Variants in OR5B12 observed in about 807,000 individuals in gnomAD.
The protein encoded by OR5B12 is olfactory receptor 5B12.
For synonymous variants in OR5B12, 154 were observed against 138.0 expected (o/e 1.12, Z -0.81); for missense variants, 418 against 377.0 (o/e 1.11, Z -0.90).
rs778451536 is a variant in OR5B12 at position 58,439,396 on chromosome 11, T to C, written c.756A>G (p.Thr252=). The change falls in exon 2 of 2, where the codon ACA becomes ACG. Residue 252 remains threonine, a synonymous_variant. Transcript: ENST00000641921. The part of the protein sequence containing the change: ...HLTAVSIFYG[T]GIFMYLRPNS... The stretch of plus-strand genomic sequence containing the variant: ...TAGGTCGTAAGTACATAAAGATTCC[T>C]GTCCCATAAAAGATGGAAACTGCAG... The C allele has an allele frequency of 6.2e-7, 1 of 1,614,062 alleles. No homozygotes were observed. Among genetic ancestry groups the C allele is most frequent in the East Asian group, 2.2e-5 (1 of 44,868 alleles).
chr11:58,441,192 C>T (rs1590717885), intron 1 of OR5B12, among the ~76,000 whole-genome samples: 1 of 152,108 alleles, frequency 6.6e-6, no homozygotes, highest in East Asian at 1.9e-4. Flanking sequence ...CTCCTCATTC[C>T]AATAGTTAGT....
chr11:58,439,488 T>C lies in OR5B12; in HGVS notation c.664A>G (p.Thr222Ala), dbSNP rs1227605797. ...ILISYLFIFITIMKMRSPEGR... is the reference protein window; with the variant it reads ...ILISYLFIFIAIMKMRSPEGR... ...TCAGGTGAGCGCATCTTCATGATGGTGATAAATATAAATAAGTAGGAGATC... is the reference window on the plus strand; with the variant it reads ...TCAGGTGAGCGCATCTTCATGATGGCGATAAATATAAATAAGTAGGAGATC... Residue 222 changes from threonine (T) to alanine (A), a missense_variant, in exon 2 of 2, where the codon ACC (threonine) becomes GCC (alanine). By Grantham distance (58) the Thr-to-Ala change is moderately conservative (BLOSUM62 0). Transcript: ENST00000641921. The C allele has an allele frequency of 6.2e-7, 1 of 1,613,870 alleles. No homozygotes were observed. The highest frequency in any genetic ancestry group is 8.5e-7 in the Non-Finnish European group (1 of 1,179,992).
intron 1 of OR5B12, among the ~76,000 whole-genome samples, chr11:58,441,064 T>A (rs895961988): frequency 5.3e-5 from 8 of 151,950 alleles, no homozygotes; most frequent in African/African-American, 9.7e-5. Context: ...CAGAACTGTG[T>A]GATAGATGTT....
chr11:58,441,051 G>T (rs962575363), intron 1 of OR5B12, among the ~76,000 whole-genome samples: 2 of 152,102 alleles, frequency 1.3e-5, no homozygotes, highest in Admixed American at 6.5e-5. Flanking sequence ...TTTCTTATTT[G>T]CTCAGAACTG....
chr11:58,439,842 C>T lies in OR5B12; in HGVS notation c.310G>A (p.Ala104Thr). The T allele has an allele frequency of 1.9e-6, 3 of 1,614,082 alleles. No homozygotes were observed. The highest frequency in any genetic ancestry group is 2.5e-6 in the Non-Finnish European group (3 of 1,180,026). The change falls in exon 2 of 2, where the codon GCC becomes ACC. Residue 104 changes from alanine (A) to threonine (T), a missense_variant. Transcript: ENST00000641921. ...AGGAAACTTTCTGCAGTGATAAAGG[C>T]TACAAAGAAGAAGAATTGTGTGGCA... ...ACATQFFFFVAFITAESFLLA... is the reference protein window; with the variant it reads ...ACATQFFFFVTFITAESFLLA...
rs1855475163 is a variant in OR5B12 at position 58,439,620 on chromosome 11, C to T, written c.532G>A (p.Asp178Asn). 6.2e-7 allele frequency: 1 copy of T among 1,614,046 alleles called. No homozygotes were observed. The highest frequency in any genetic ancestry group is 8.5e-7 in the Non-Finnish European group (1 of 1,180,000). Residue 178 changes from aspartate to asparagine, a missense_variant, in exon 2 of 2, where the codon GAT becomes AAT. Coordinates refer to ENST00000641921, the MANE Select transcript of OR5B12 (RefSeq NM_001004733.3). Reference protein sequence around the residue: ...RSNVVEHFFCDAPPLLTLSCS... With the variant: ...RSNVVEHFFCNAPPLLTLSCS... ...GAGAGAGTCAAGAGAGGAGGAGCAT[C>T]ACAGAAAAAGTGTTCAACTACATTG...
At chr11:58,440,240 A>AT (rs1444018476) in intron 1 of OR5B12, 70 bp from the exon 2 acceptor site, 10 of 985,016 alleles carry the variant, frequency 1.0e-5, no homozygotes, top group East Asian at 4.9e-5. Context: ...TCAGCATGCC[A>AT]TTTTTTTGCT....
chr11:58,439,407 A>G lies in OR5B12; in HGVS notation c.745T>C (p.Phe249Leu), dbSNP rs201511501. The G allele has an allele frequency of 1.1e-4, 179 of 1,614,010 alleles. 1 individual carries two copies. The highest frequency in any genetic ancestry group is 8.2e-4 in the Middle Eastern group (5 of 6,084). ...CASHLTAVSI[F>L]YGTGIFMYLR... ...TACATAAAGATTCCTGTCCCATAAA[A>G]GATGGAAACTGCAGTAAGGTGGGAA... is the stretch of plus-strand genomic sequence containing the variant. Residue 249 changes from phenylalanine (F) to leucine (L), a missense_variant, in exon 2 of 2, where the codon TTT becomes CTT. Phe to Leu is a conservative substitution (Grantham distance 22). Transcript: ENST00000641921.
chr11:58,441,502 C>G (rs759989825), intron 1 of OR5B12, among the ~76,000 whole-genome samples: 4 of 152,060 alleles, frequency 2.6e-5, no homozygotes, highest in African/African-American at 9.7e-5. Context: ...GGACTCGAGG[C>G]CTTCTTGTGC....
chr11:58,439,609 A>G lies in OR5B12; in HGVS notation c.543T>C (p.Pro181=). The change falls in exon 2 of 2, where the codon CCT becomes CCC. Residue 181 remains proline (P), a synonymous_variant. Coordinates refer to ENST00000641921, the MANE Select transcript of OR5B12 (RefSeq NM_001004733.3). ...TGTCTGAACATGAGAGAGTCAAGAGAGGAGGAGCATCACAGAAAAAGTGTT... is the reference window on the plus strand; with the variant it reads ...TGTCTGAACATGAGAGAGTCAAGAGGGGAGGAGCATCACAGAAAAAGTGTT... ...VVEHFFCDAP[P]LLTLSCSDNY... is the part of the protein sequence containing the mutation. The G allele has an allele frequency of 6.2e-7, 1 of 1,614,134 alleles. No individual in the cohort carries two copies. Among genetic ancestry groups the G allele is most frequent in the Non-Finnish European group, 8.5e-7 (1 of 1,180,034 alleles).
At position 58,440,025 on chromosome 11, in the gene OR5B12, TC is replaced by T. The variant is rs1565161042; in HGVS notation, c.126del (p.Met43Ter). 2 of 1,614,038 alleles carry T rather than the reference TC, an allele frequency of 1.2e-6. No homozygotes were observed. Among genetic ancestry groups the T allele is most frequent in the Non-Finnish European group, 1.7e-6 (2 of 1,179,986 alleles). On this transcript the variant is annotated frameshift_variant, in exon 2 of 2. Coordinates refer to ENST00000641921, the MANE Select transcript of OR5B12 (RefSeq NM_001004733.3). LOFTEE classifies it low-confidence loss of function (END_TRUNC). ...IYLITLVGNL[G>X]MIELILLDSC... ...GAGTCCAGTAGAATCAATTCAATCATCCCCAGGTTCCCAACCAGAGTGATGA... is the reference window on the plus strand; with the variant it reads ...GAGTCCAGTAGAATCAATTCAATCATCCCAGGTTCCCAACCAGAGTGATGA...
intron 1 of OR5B12, among the ~76,000 whole-genome samples, 193 bp downstream of exon 1, chr11:58,441,853 C>T (rs1855504820): frequency 6.6e-6 from 1 of 152,078 alleles, no homozygotes; most frequent in Non-Finnish European, 1.5e-5. Flanking sequence ...CACTTCTGTT[C>T]CCAAATATTT....
chr11:58,439,722 T>C lies in OR5B12; in HGVS notation c.430A>G (p.Ile144Val), dbSNP rs747042271. The C allele has an allele frequency of 3.4e-5, 55 of 1,614,036 alleles. No individual in the cohort carries two copies. The highest frequency in any genetic ancestry group is 4.4e-5 in the Non-Finnish European group (52 of 1,180,032). Reference sequence around the variant, plus strand: ...AGGAAACCACAGATGTAGGAGCCTATGGCCAGGCAAGCACATACATTTGTT... The same window carrying C: ...AGGAAACCACAGATGTAGGAGCCTACGGCCAGGCAAGCACATACATTTGTT... ...MTTNVCACLAIGSYICGFLNA... is the reference protein window; with the variant it reads ...MTTNVCACLAVGSYICGFLNA... The change falls in exon 2 of 2, where the codon ATA becomes GTA. Residue 144 changes from isoleucine to valine, a missense_variant. By Grantham distance (29) the Ile-to-Val change is conservative. Coordinates refer to ENST00000641921, the MANE Select transcript of OR5B12 (RefSeq NM_001004733.3).
rs1402935599 is a variant in OR5B12 at position 58,439,720 on chromosome 11, T to C, written c.432A>G (p.Ile144Met). ...MTTNVCACLA[I>M]GSYICGFLNA... ...TCAGGAAACCACAGATGTAGGAGCC[T>C]ATGGCCAGGCAAGCACATACATTTG... The change falls in exon 2 of 2, where the codon ATA becomes ATG. Residue 144 changes from isoleucine to methionine, a missense_variant. Coordinates refer to ENST00000641921, the MANE Select transcript of OR5B12 (RefSeq NM_001004733.3). 3.1e-6 allele frequency: 5 copies of C among 1,613,962 alleles called. No homozygotes were observed. In the Admixed American group the frequency reaches 8.3e-5, roughly 27 times the overall value.
chr11:58,440,217 C>T, intron 1 of OR5B12, 47 bp from the exon 2 acceptor site: 1 of 1,142,818 alleles, frequency 8.8e-7, no homozygotes, highest in Non-Finnish European at 1.3e-6. Flanking sequence ...GGAGGGAGGA[C>T]TACTGAGATC....
chr11:58,439,448 G>T lies in OR5B12; in HGVS notation c.704C>A (p.Ala235Asp). 1.2e-6 allele frequency: 2 copies of T among 1,614,006 alleles called. No homozygotes were observed. The highest frequency in any genetic ancestry group is 1.7e-6 in the Non-Finnish European group (2 of 1,179,954). Residue 235 changes from alanine (A) to aspartate (D), a missense_variant, in exon 2 of 2, where the codon GCC becomes GAC. Ala to Asp is a moderately radical substitution (Grantham distance 126). Transcript: ENST00000641921. Reference protein sequence around the residue: ...KMRSPEGRQKAFSTCASHLTA... With the variant: ...KMRSPEGRQKDFSTCASHLTA... ...AAGGTGGGAAGCACAAGTAGAAAAG[G>T]CCTTCTGGCGTCCTTCAGGTGAGCG...
chr11:58,439,078 G>T lies in OR5B12; in HGVS notation c.*129C>A. On this transcript the variant is annotated 3_prime_UTR_variant, in exon 2 of 2. Coordinates refer to ENST00000641921, the MANE Select transcript of OR5B12 (RefSeq NM_001004733.3). ...AAGTGTCACTTAAAGAATGAAGAAA[G>T]TATGGCCAATTCATATGTTTAAGAA... 1 of 473,086 alleles carries T rather than the reference G, an allele frequency of 2.1e-6. No homozygotes were observed. 29.3% of individuals were successfully genotyped at this position (473,086 alleles called of 1,614,324 possible).
rs1488732314 is a variant in OR5B12, at chr11:58,440,090, A to T, written c.62T>A (p.Leu21Gln). Residue 21 changes from leucine (L) to glutamine (Q), a missense_variant, in exon 2 of 2, where the codon CTG becomes CAG. Physicochemically the swap from Leu to Gln is moderately radical, Grantham distance 113. Transcript: ENST00000641921. ...GAAGACTATGAAGAGTGGGATCTGC[A>T]GTTCTGGGTCATCAGTTAACCCCAC... Reference protein sequence around the residue: ...ILVGLTDDPELQIPLFIVFLF... With the variant: ...ILVGLTDDPEQQIPLFIVFLF... 3 of 1,613,832 alleles carry T rather than the reference A, an allele frequency of 1.9e-6. No individual in the cohort carries two copies. Among genetic ancestry groups the T allele is most frequent in the South Asian group, 2.2e-5 (2 of 91,050 alleles).
Position 58,440,009 on chromosome 11 carries a change from A to G in OR5B12, c.143T>C (p.Leu48Pro). 1.2e-6 allele frequency: 2 copies of G among 1,614,120 alleles called. No homozygotes were observed. The highest frequency in any genetic ancestry group is 1.7e-6 in the Non-Finnish European group (2 of 1,180,008). The stretch of plus-strand genomic sequence containing the variant: ...GGGGGTGTGGAGACAGGAGTCCAGT[A>G]GAATCAATTCAATCATCCCCAGGTT... Reference protein sequence around the residue: ...VGNLGMIELILLDSCLHTPMY... With the variant: ...VGNLGMIELIPLDSCLHTPMY... Residue 48 changes from leucine to proline, a missense_variant, in exon 2 of 2, where the codon CTA becomes CCA. By Grantham distance (98) the Leu-to-Pro change is moderately conservative. Coordinates refer to ENST00000641921, the MANE Select transcript of OR5B12 (RefSeq NM_001004733.3).
Sources: allele counts gnomAD v4.1 joint callset (sites outside exome capture counted in the v4.1 genomes callset), GRCh38; gene constraint gnomAD v4.1.1; transcripts MANE v1.5; gene names NCBI Gene and HGNC (gene_info 2026-07-23, HGNC 2026-07-21).